Variants in MALRD1 observed in about 807,000 individuals in gnomAD.
MALRD1 encodes the protein MAM and LDL receptor class A domain containing 1, also known as MAM and LDL-receptor class A domain-containing protein 1.
In MALRD1, 247 loss-of-function variants were observed where a neutral mutation model predicts 242.1. The ratio of observed to expected loss-of-function variants is 1.02; its 90% CI spans 0.92 to 1.13. The LOEUF (loss-of-function observed/expected upper bound fraction) is 1.13, where lower values mean the gene tolerates loss of function less well. Among genes scored for constraint, MALRD1 ranks in the 50% most tolerant of loss-of-function variants. The pLI is 0.00. For missense variants in MALRD1, 2,989 were observed against 2,533.1 expected (o/e 1.18, Z -3.86); for synonymous variants, 995 against 866.6 (o/e 1.15, Z -2.60).
intron 22 of MALRD1, among the ~76,000 whole-genome samples, chr10:19,326,651 T>C (rs971111111): frequency 6.6e-6 from 1 of 152,066 alleles, no homozygotes; most frequent in Admixed American, 6.6e-5. Context: ...ATGATAGTTT[T>C]GCTAGTAACA....
chr10:19,432,216 T>C (rs1368474881), intron 28 of MALRD1, among the ~76,000 whole-genome samples: 1 of 152,192 alleles, frequency 6.6e-6, no homozygotes, highest in African/African-American at 2.4e-5. Flanking sequence ...TTATAGACAA[T>C]GCTTACTCTT....
chr10:19,663,374 G>A, intron 36 of MALRD1, among the ~76,000 whole-genome samples: 1 of 152,088 alleles, frequency 6.6e-6, no homozygotes, highest in East Asian at 1.9e-4. Context: ...TCTTATGGAT[G>A]AGTAGTATTC....
intron 19 of MALRD1, among the ~76,000 whole-genome samples, chr10:19,276,263 A>C (rs1260701332): frequency 6.6e-6 from 1 of 151,360 alleles, no homozygotes; most frequent in African/African-American, 2.4e-5. Context: ...CATACAAATA[A>C]AAAGTTTACA....
At chr10:19,525,547 CTT>C (rs1834066456) in intron 31 of MALRD1, among the ~76,000 whole-genome samples, 1 of 152,060 alleles carries the variant, frequency 6.6e-6, no homozygotes, top group African/African-American at 2.4e-5. Context: ...GTGTGCAACT[CTT>C]TTAAAGAGAT....
intron 33 of MALRD1, among the ~76,000 whole-genome samples, chr10:19,576,671 G>A (rs1393171440): frequency 6.6e-6 from 1 of 152,054 alleles, no homozygotes; most frequent in Non-Finnish European, 1.5e-5. Context: ...TCTTTCTCAA[G>A]TCATTACCCT....
chr10:19,238,456 A>AATGTATATTATATATT (rs1564492486), intron 18 of MALRD1, among the ~76,000 whole-genome samples: 1 of 42,466 alleles, frequency 2.4e-5, no homozygotes, highest in Non-Finnish European at 3.5e-5. Flanking sequence ...CATTATATAT[A>AATGTATATTATATATT]ATATATAATA....
At chr10:19,412,437 GT>G (rs1439185431) in intron 28 of MALRD1, among the ~76,000 whole-genome samples, 2 of 152,186 alleles carry the variant, frequency 1.3e-5, no homozygotes, top group Non-Finnish European at 2.9e-5. Flanking sequence ...AAAGAAGTTT[GT>G]CACCTGTCAG....
chr10:19,373,596 A>T (rs1408083441), intron 26 of MALRD1, among the ~76,000 whole-genome samples: 7 of 152,142 alleles, frequency 4.6e-5, no homozygotes, highest in Non-Finnish European at 8.8e-5. Flanking sequence ...AGAAGAAAAA[A>T]ATGACAACAT....
At chr10:19,620,019 A>AATAATAATAATAATAATAATAATAAT (rs564333226) in intron 36 of MALRD1, among the ~76,000 whole-genome samples, 1 of 58,470 alleles carries the variant, frequency 1.7e-5, no homozygotes, top group African/African-American at 3.6e-5. Flanking sequence ...TAATAATAAT[A>AATAATAATAATAATAATAATAATAAT]AATAATAATA....
intron 33 of MALRD1, among the ~76,000 whole-genome samples, chr10:19,590,177 A>G (rs1837690255): frequency 6.6e-6 from 1 of 151,640 alleles, no homozygotes; most frequent in South Asian, 2.1e-4. Flanking sequence ...ATTAGAACAT[A>G]GAAATTTTAA....
chr10:19,350,851 A>G (rs1251036303), intron 25 of MALRD1, among the ~76,000 whole-genome samples: 2 of 152,042 alleles, frequency 1.3e-5, no homozygotes, highest in African/African-American at 2.4e-5. Flanking sequence ...TGGTCCTGGG[A>G]TGCTGTCTGA....
At chr10:19,242,171 G>A (rs116306670) in intron 18 of MALRD1, among the ~76,000 whole-genome samples, 2,157 of 152,276 alleles carry the variant, frequency 0.014, 43 homozygotes, top group African/African-American at 0.049. Context: ...GATGGAAGGC[G>A]AAAGGCACAT....
chr10:19,074,052 C>A (rs188243119), intron 2 of MALRD1, among the ~76,000 whole-genome samples: 71 of 152,202 alleles, frequency 4.7e-4, no homozygotes, highest in African/African-American at 1.6e-3. Flanking sequence ...ACACAGAAGT[C>A]TACTATGACT....
At chr10:19,574,962 A>G (rs745589295) in intron 33 of MALRD1, among the ~76,000 whole-genome samples, 2 of 152,212 alleles carry the variant, frequency 1.3e-5, no homozygotes, top group Non-Finnish European at 2.9e-5. Flanking sequence ...CATTCAGTCA[A>G]TACTTGTTGA....
intron 36 of MALRD1, among the ~76,000 whole-genome samples, chr10:19,634,134 C>T (rs1299275356): frequency 6.6e-6 from 1 of 152,088 alleles, no homozygotes; most frequent in Non-Finnish European, 1.5e-5. Flanking sequence ...AGCCACCCCA[C>T]CCGGCTACAC....
chr10:19,508,607 C>G (rs1043628344), intron 31 of MALRD1, among the ~76,000 whole-genome samples: 1 of 152,090 alleles, frequency 6.6e-6, no homozygotes, highest in African/African-American at 2.4e-5. Flanking sequence ...AAATTACGAA[C>G]TGGATTTCAA....
upstream of MALRD1, among the ~76,000 whole-genome samples, chr10:19,047,049 G>C (rs12769020): frequency 0.088 from 13,427 of 152,180 alleles, 815 homozygotes; most frequent in East Asian, 0.22. Flanking sequence ...GAAATAGATA[G>C]GAGTGGATTT....
chr10:19,698,281 T>C (rs150212659), intron 38 of MALRD1, among the ~76,000 whole-genome samples: 7 of 152,290 alleles, frequency 4.6e-5, no homozygotes, highest in Admixed American at 3.9e-4. Context: ...AGAACTCTAA[T>C]AGTATCAATC....
intron 32 of MALRD1, among the ~76,000 whole-genome samples, chr10:19,545,786 G>A (rs979136770): frequency 4.6e-5 from 7 of 152,098 alleles, no homozygotes; most frequent in African/African-American, 9.7e-5. Flanking sequence ...AACCCCTCAC[G>A]TAAATTCACG....
Sources: gnomAD v4.1 joint callset for allele counts (sites outside exome capture counted in the v4.1 genomes callset) on GRCh38, gnomAD v4.1.1 for gene constraint, MANE v1.5 for transcripts, NCBI Gene and HGNC (gene_info 2026-07-23, HGNC 2026-07-21) for gene names.